IGF1R: variants seen among roughly 807,000 people sequenced by gnomAD.
The protein encoded by IGF1R is insulin like growth factor 1 receptor.
In IGF1R, 44 loss-of-function variants were observed where a neutral mutation model predicts 144.6. The ratio of observed to expected loss-of-function variants is 0.30; its 90% CI spans 0.24 to 0.39. The LOEUF (loss-of-function observed/expected upper bound fraction) is 0.39, where lower values mean the gene tolerates loss of function less well. Among genes scored for constraint, IGF1R ranks in the 10% least tolerant of loss-of-function variants. The probability of loss-of-function intolerance (pLI) is 1.00; values close to 1 mark genes in which losing one functional copy is unlikely to be tolerated. For missense variants in IGF1R, 1,355 were observed against 1,833.7 expected (o/e 0.74, Z 4.77); for synonymous variants, 795 against 722.8 (o/e 1.10, Z -1.60).
intron 1 of IGF1R, among the ~76,000 whole-genome samples, chr15:98,670,524 T>A (rs1006311381): frequency 2.6e-5 from 4 of 152,150 alleles, no homozygotes; most frequent in African/African-American, 7.2e-5. Context: ...CCTTACATAT[T>A]GGTTCTCTTA....
chr15:98,924,740 G>A, intron 13 of IGF1R, 56 bp downstream of exon 13: 1 of 1,472,262 alleles, frequency 6.8e-7, no homozygotes, highest in Non-Finnish European at 9.5e-7. Context: ...GGTGGTCCAG[G>A]ATCAGGACAG....
At chr15:98,928,568 T>A (rs888684572) in intron 13 of IGF1R, among the ~76,000 whole-genome samples, 13 of 152,218 alleles carry the variant, frequency 8.5e-5, no homozygotes, top group African/African-American at 2.7e-4. Context: ...TCCAGTATCA[T>A]CATTTTCTAG....
chr15:98,867,626 TCTGA>T (rs1440996530), intron 2 of IGF1R, among the ~76,000 whole-genome samples: 1 of 152,216 alleles, frequency 6.6e-6, no homozygotes, highest in Non-Finnish European at 1.5e-5. Context: ...ATCACCTGCA[TCTGA>T]CTGTGTGCCT....
chr15:98,691,400 G>A lies in IGF1R; in HGVS notation c.95-16162G>A, dbSNP rs558110842. Among the ~76,000 whole-genome samples the A allele has an allele frequency of 4.8e-4, 70 of 145,478 alleles. No individual in the cohort carries two copies. In the Middle Eastern group the frequency reaches 0.014, roughly 29 times the overall value. ...TTTTTTTTGAGACAGAGTCTCACTC[G>A]TCTCCCAAGCTGGAGTGCAATGGTG... is the stretch of plus-strand genomic sequence containing the variant. On this transcript the variant is annotated intron_variant, in intron 1 of 20. Coordinates refer to ENST00000650285, the MANE Select transcript of IGF1R (RefSeq NM_000875.5).
intron 1 of IGF1R, among the ~76,000 whole-genome samples, chr15:98,656,560 A>C (rs2052489810): frequency 6.6e-6 from 1 of 152,124 alleles, no homozygotes; most frequent in Non-Finnish European, 1.5e-5. Flanking sequence ...CACACAAAAT[A>C]CATATATAAA....
At chr15:98,778,018 C>T (rs1221329778) in intron 2 of IGF1R, among the ~76,000 whole-genome samples, 1 of 152,172 alleles carries the variant, frequency 6.6e-6, no homozygotes, top group Non-Finnish European at 1.5e-5. Context: ...GCACCTACTG[C>T]ATGACAGAGT....
intron 1 of IGF1R, among the ~76,000 whole-genome samples, chr15:98,680,626 G>A (rs1415717578): frequency 6.6e-6 from 1 of 152,066 alleles, no homozygotes; most frequent in East Asian, 1.9e-4. Context: ...GTGCAGTGGC[G>A]TGATTATAGC....
chr15:98,765,330 T>TTGAGACAGTC (rs2055410757), intron 2 of IGF1R, among the ~76,000 whole-genome samples: 1 of 137,276 alleles, frequency 7.3e-6, no homozygotes, highest in African/African-American at 2.8e-5. Flanking sequence ...TTTTTTTTTT[T>TTGAGACAGTC]TTTTTTGAGA....
intron 2 of IGF1R, among the ~76,000 whole-genome samples, chr15:98,768,412 C>G (rs971397710): frequency 6.6e-6 from 1 of 151,210 alleles, no homozygotes; most frequent in Non-Finnish European, 1.5e-5. Context: ...GTCAGGAGAT[C>G]GAGACCATCC....
chr15:98,680,589 G>A (rs2053163020), intron 1 of IGF1R, among the ~76,000 whole-genome samples: 1 of 152,082 alleles, frequency 6.6e-6, no homozygotes, highest in East Asian at 1.9e-4. Context: ...TTAAGAGACA[G>A]GGTCTAGCTC....
At chr15:98,869,279 C>T (rs2012639037) in intron 2 of IGF1R, among the ~76,000 whole-genome samples, 1 of 142,682 alleles carries the variant, frequency 7.0e-6, no homozygotes, top group Non-Finnish European at 1.5e-5. Flanking sequence ...GATTTCGAGA[C>T]AGCTTTCAAT....
At chr15:98,810,846 C>T (rs1438056337) in intron 2 of IGF1R, among the ~76,000 whole-genome samples, 1 of 151,284 alleles carries the variant, frequency 6.6e-6, no homozygotes, top group Non-Finnish European at 1.5e-5. Context: ...CCACGCCCAG[C>T]CTCTAAATGA....
At chr15:98,675,583 G>A (rs1426189379) in intron 1 of IGF1R, among the ~76,000 whole-genome samples, 1 of 152,120 alleles carries the variant, frequency 6.6e-6, no homozygotes, top group African/African-American at 2.4e-5. Flanking sequence ...TAGAATAGCA[G>A]TCTCTTCATT....
intron 2 of IGF1R, among the ~76,000 whole-genome samples, chr15:98,740,845 C>T (rs2871974): frequency 0.52 from 78,856 of 151,956 alleles, 22,191 homozygotes; most frequent in Non-Finnish European, 0.63. Flanking sequence ...AACCCTATTC[C>T]CCTACTTTCT....
chr15:98,911,031 G>A (rs1052708166), intron 6 of IGF1R, among the ~76,000 whole-genome samples: 1 of 152,204 alleles, frequency 6.6e-6, no homozygotes, highest in African/African-American at 2.4e-5. Flanking sequence ...GTTCACTGAA[G>A]TCGCCCCTTG....
chr15:98,697,131 G>A (rs1384450394), intron 1 of IGF1R, among the ~76,000 whole-genome samples: 1 of 152,156 alleles, frequency 6.6e-6, no homozygotes, highest in African/African-American at 2.4e-5. Flanking sequence ...GGGCTTGCTG[G>A]GACAGGCTGG....
rs1286877920 is a variant in IGF1R at position 98,796,436 on chromosome 15, T to C, written c.640+88329T>C. On this transcript the variant is annotated intron_variant, in intron 2 of 20. Coordinates refer to ENST00000650285, the MANE Select transcript of IGF1R (RefSeq NM_000875.5). The stretch of plus-strand genomic sequence containing the variant: ...GCACTTCCATTTCTTCAACAAATGC[T>C]TCTGAGTCCCTGACCTGTGCCAGGT... 6.6e-5 allele frequency among the ~76,000 whole-genome samples: 10 copies of C among 152,314 alleles called. No homozygotes were observed. The South Asian group carries it at 1.9e-3, about 28-fold the overall frequency.
At chr15:98,941,153 A>T (rs1167603864) in intron 18 of IGF1R, among the ~76,000 whole-genome samples, 1 of 152,136 alleles carries the variant, frequency 6.6e-6, no homozygotes, top group African/African-American at 2.4e-5. Flanking sequence ...TACATCCGGG[A>T]GCCTCAGTTT....
chr15:98,754,576 C>G (rs2055102049), intron 2 of IGF1R, among the ~76,000 whole-genome samples: 1 of 152,214 alleles, frequency 6.6e-6, no homozygotes. Flanking sequence ...GGAGTCCCCA[C>G]TGAACCTTTG....
Sources: allele counts gnomAD v4.1 joint callset (sites outside exome capture counted in the v4.1 genomes callset), GRCh38; gene constraint gnomAD v4.1.1; transcripts MANE v1.5; gene names NCBI Gene and HGNC (gene_info 2026-07-23, HGNC 2026-07-21).